The following CDH12 variants were observed in gnomAD, a reference collection of about 807,000 sequenced individuals.
CDH12 encodes cadherin-12.
A neutral mutation model predicts 74.1 loss-of-function variants in CDH12; 41 were observed. That is an observed-to-expected ratio of 0.55 (90% CI 0.43 to 0.72). CDH12 has a LOEUF of 0.72. Ranked by LOEUF, CDH12 falls within the 30% of genes least tolerant of loss-of-function variation. The pLI, the probability that CDH12 is intolerant of heterozygous loss-of-function variation, is 0.00. For synonymous variants in CDH12, 399 were observed against 355.0 expected, an observed-to-expected ratio of 1.12 and a Z score of -1.39; for missense variants, 945 against 977.2, an observed-to-expected ratio of 0.97 and a Z score of 0.44.
intron 3 of CDH12, among the ~76,000 whole-genome samples, chr5:22,298,758 T>A (rs1452824257): frequency 6.6e-6 from 1 of 152,188 alleles, no homozygotes; most frequent in Non-Finnish European, 1.5e-5. Context: ...AAGAAATTGA[T>A]AAAGTGAAAA....
chr5:21,973,188 C>T (rs181318650), intron 6 of CDH12, among the ~76,000 whole-genome samples: 5 of 151,916 alleles, frequency 3.3e-5, no homozygotes, highest in East Asian at 1.9e-4. Flanking sequence ...GCCAGGGCAA[C>T]AGACCAAGAC....
At chr5:22,280,362 T>C (rs1736823428) in intron 3 of CDH12, among the ~76,000 whole-genome samples, 1 of 151,700 alleles carries the variant, frequency 6.6e-6, no homozygotes, top group Non-Finnish European at 1.5e-5. Context: ...AGGCAAGAAA[T>C]AACTAAGATC....
chr5:22,323,133 T>C (rs1738952236), intron 3 of CDH12, among the ~76,000 whole-genome samples: 1 of 152,138 alleles, frequency 6.6e-6, no homozygotes, highest in South Asian at 2.1e-4. Context: ...ATGAGATGTA[T>C]ACCACATCAG....
chr5:22,532,349 G>GTATATATATATATATA (rs1737621066), intron 1 of CDH12, among the ~76,000 whole-genome samples: 1 of 7,142 alleles, frequency 1.4e-4, no homozygotes, highest in Admixed American at 1.5e-3. Context: ...TATATAAATA[G>GTATATATATATATATA]GATATATATA....
Position 21,925,428 on chromosome 5 carries a change from T to C in CDH12, c.526+49663A>G, listed in dbSNP as rs190821413. 3.5e-3 allele frequency among the ~76,000 whole-genome samples: 535 copies of C among 152,316 alleles called. 1 individual carries two copies. The highest frequency in any genetic ancestry group is 0.012 in the African/African-American group (506 of 41,574). ...ATCCACGTGATGTGACTTGTGTCTATCCTATTGACTCTTGTATTCAGGCTC... is the reference window on the plus strand; with the variant it reads ...ATCCACGTGATGTGACTTGTGTCTACCCTATTGACTCTTGTATTCAGGCTC... On this transcript the variant is annotated intron_variant, in intron 6 of 14. Coordinates refer to ENST00000382254, the MANE Select transcript of CDH12 (RefSeq NM_004061.5).
At chr5:22,760,742 T>C (rs967786145) in intron 1 of CDH12, among the ~76,000 whole-genome samples, 11 of 145,880 alleles carry the variant, frequency 7.5e-5, no homozygotes, top group African/African-American at 2.8e-4. Flanking sequence ...ACGTCAAACA[T>C]TCTGATGTAT....
chr5:22,084,503 G>C (rs1219379887), intron 4 of CDH12, among the ~76,000 whole-genome samples: 1 of 152,040 alleles, frequency 6.6e-6, no homozygotes, highest in Non-Finnish European at 1.5e-5. Context: ...AATCAACAAT[G>C]GTCTTTTATT....
chr5:21,861,293 A>G (rs1264630141), intron 6 of CDH12, among the ~76,000 whole-genome samples: 1 of 151,924 alleles, frequency 6.6e-6, no homozygotes, highest in Non-Finnish European at 1.5e-5. Flanking sequence ...AAAGAGATAT[A>G]ACTAACTACA....
intron 1 of CDH12, among the ~76,000 whole-genome samples, chr5:22,695,005 G>A (rs770113192): frequency 1.8e-4 from 27 of 151,698 alleles, no homozygotes; most frequent in Non-Finnish European, 2.8e-4. Flanking sequence ...CCAACCCACC[G>A]ACGGTCCTGG....
chr5:21,934,340 T>C (rs1187554734), intron 6 of CDH12, among the ~76,000 whole-genome samples: 2 of 152,212 alleles, frequency 1.3e-5, no homozygotes, highest in Admixed American at 6.5e-5. Flanking sequence ...TGTGTGGCAA[T>C]TTATTATGCA....
intron 6 of CDH12, chr5:21,884,460 G>T: frequency 1.5e-6 from 1 of 656,624 alleles, no homozygotes; most frequent in Non-Finnish European, 2.7e-6. Context: ...ACTGGTTTCA[G>T]TTGACAAAAT....
intron 6 of CDH12, among the ~76,000 whole-genome samples, chr5:21,924,300 G>A (rs1267023658): frequency 3.9e-5 from 6 of 152,154 alleles, no homozygotes; most frequent in Non-Finnish European, 7.3e-5. Context: ...GGCCGAGGCC[G>A]AGGTCAGGAG....
Position 22,174,918 on chromosome 5 carries a change from G to A in CDH12, c.-187+37580C>T, listed in dbSNP as rs1410781171. On this transcript the variant is annotated intron_variant, in intron 4 of 14. Transcript: ENST00000382254. ...AAATTTTGCTGTGCCAGGAATATAA[G>A]ACACTAACAACCATCTCAAGGCTCT... 1.3e-4 allele frequency among the ~76,000 whole-genome samples: 19 copies of A among 151,898 alleles called. No individual in the cohort carries two copies. In the East Asian group the frequency reaches 3.5e-3, roughly 28 times the overall value.
At chr5:22,738,681 T>C (rs920973052) in intron 1 of CDH12, among the ~76,000 whole-genome samples, 2 of 152,050 alleles carry the variant, frequency 1.3e-5, no homozygotes, top group African/African-American at 4.8e-5. Context: ...AATATATTTC[T>C]TTTACCACAA....
intron 6 of CDH12, among the ~76,000 whole-genome samples, chr5:21,917,134 T>G (rs1353551919): frequency 6.6e-6 from 1 of 152,186 alleles, no homozygotes; most frequent in Non-Finnish European, 1.5e-5. Context: ...CTCTCTGAAC[T>G]TCAAGCTCCT....
Position 22,794,134 on chromosome 5 carries a change from A to T in CDH12, c.-523+58924T>A, listed in dbSNP as rs373130049. ...ATATTCCAAAATGACAACGGTACTGAAAAGCTCATATGTCCCAGAAATAAC... is the reference window on the plus strand; with the variant it reads ...ATATTCCAAAATGACAACGGTACTGTAAAGCTCATATGTCCCAGAAATAAC... On this transcript the variant is annotated intron_variant, in intron 1 of 14. Transcript: ENST00000382254. 3.3e-5 allele frequency among the ~76,000 whole-genome samples: 5 copies of T among 152,294 alleles called. No homozygotes were observed. In the South Asian group the frequency reaches 1.0e-3, roughly 32 times the overall value.
chr5:22,756,382 T>C (rs1745914059), intron 1 of CDH12, among the ~76,000 whole-genome samples: 1 of 152,124 alleles, frequency 6.6e-6, no homozygotes, highest in Non-Finnish European at 1.5e-5. Flanking sequence ...TTTTAAAACA[T>C]AAAAAATATT....
chr5:22,447,984 T>TGAAA (rs1744889730), intron 2 of CDH12, among the ~76,000 whole-genome samples: 1 of 18,636 alleles, frequency 5.4e-5, no homozygotes, highest in Non-Finnish European at 9.5e-5. Context: ...CTACAAGAAA[T>TGAAA]TAAAAAAAAA....
chr5:22,214,410 T>C (rs1751718189), intron 3 of CDH12, among the ~76,000 whole-genome samples: 2 of 152,312 alleles, frequency 1.3e-5, no homozygotes, highest in South Asian at 2.1e-4. Context: ...GAGAGTGTTA[T>C]AGTAGAAAAG....
Sources: allele counts gnomAD v4.1 joint callset (sites outside exome capture counted in the v4.1 genomes callset), GRCh38; gene constraint gnomAD v4.1.1; transcripts MANE v1.5; gene names NCBI Gene and HGNC (gene_info 2026-07-23, HGNC 2026-07-21).